TMEFF2: variants seen among roughly 807,000 people sequenced by gnomAD.
TMEFF2 encodes the protein transmembrane protein with EGF like and two follistatin like domains 2.
A neutral mutation model predicts 53.8 loss-of-function variants in TMEFF2; 28 were observed. The ratio of observed to expected loss-of-function variants is 0.52; its 90% CI spans 0.39 to 0.71. TMEFF2 has a LOEUF of 0.71. Among genes scored for constraint, TMEFF2 ranks in the 30% least tolerant of loss-of-function variants. The pLI is 0.00. For missense variants in TMEFF2, 353 were observed against 455.2 expected (o/e 0.78, Z 2.04); for synonymous variants, 162 against 166.3 (o/e 0.97, Z 0.20).
At chr2:192,107,435 TTCTTAAATTTA>T (rs1689174695) in intron 4 of TMEFF2, among the ~76,000 whole-genome samples, 1 of 151,776 alleles carries the variant, frequency 6.6e-6, no homozygotes, top group East Asian at 1.9e-4. Flanking sequence ...TTTAAAAAGA[TTCTTAAATTTA>T]CCAAGGAGAA....
intron 5 of TMEFF2, among the ~76,000 whole-genome samples, chr2:192,000,943 T>A (rs2105838087): frequency 6.6e-6 from 1 of 152,290 alleles, no homozygotes; most frequent in African/African-American, 2.4e-5. Context: ...TACTGGAACA[T>A]GACATTGCTA....
In TMEFF2 at chr2:192,090,619, G is replaced by A. The variant is rs1056034182; in HGVS notation, c.440-32844C>T. 5.3e-5 allele frequency among the ~76,000 whole-genome samples: 8 copies of A among 152,140 alleles called. No homozygotes were observed. The South Asian group carries it at 8.3e-4, about 16-fold the overall frequency. ...TGTATGAAAGGAATCATGGAAATCT[G>A]ATCATTGATGTAGGAGCACCAGGAA... On this transcript the variant is annotated intron_variant, in intron 4 of 9. Coordinates refer to ENST00000272771, the MANE Select transcript of TMEFF2 (RefSeq NM_016192.4).
chr2:192,082,430 A>C (rs894597223), intron 4 of TMEFF2, among the ~76,000 whole-genome samples: 2 of 152,156 alleles, frequency 1.3e-5, no homozygotes, highest in Non-Finnish European at 2.9e-5. Flanking sequence ...TCTTTCACCT[A>C]TGATTTTCTA....
In TMEFF2 at chr2:191,953,564, T is replaced by C. The variant is rs1156618675; in HGVS notation, c.1028+115A>G. ...TCTTATGCTAAGGACATAGGACTCA[T>C]AGAGAATGGATGGCTGCAGAGTCCA... On this transcript the variant is annotated intron_variant, in intron 9 of 9. Coordinates refer to ENST00000272771, the MANE Select transcript of TMEFF2 (RefSeq NM_016192.4). 23 of 1,159,424 alleles carry C rather than the reference T, an allele frequency of 2.0e-5. No individual in the cohort carries two copies. The East Asian group carries it at 4.4e-4, about 22-fold the overall frequency. The allele number at this position is 1,159,424 out of a possible 1,614,324, so 71.8% of individuals were successfully genotyped here.
chr2:192,032,876 A>C (rs949188570), intron 5 of TMEFF2, among the ~76,000 whole-genome samples: 1 of 152,204 alleles, frequency 6.6e-6, no homozygotes, highest in Non-Finnish European at 1.5e-5. Context: ...TGTTAATTTT[A>C]TATTATAAAT....
At chr2:192,088,743 TTTC>T (rs1198999068) in intron 4 of TMEFF2, among the ~76,000 whole-genome samples, 4 of 152,232 alleles carry the variant, frequency 2.6e-5, no homozygotes, top group South Asian at 2.1e-4. Context: ...CTAAAATTGG[TTTC>T]TTTTCTTCTG....
chr2:192,106,966 CA>C (rs1219278036), intron 4 of TMEFF2, among the ~76,000 whole-genome samples: 22 of 151,554 alleles, frequency 1.5e-4, no homozygotes, highest in Non-Finnish European at 8.9e-5. Flanking sequence ...AAGAGTTAGG[CA>C]TGTCTATTTG....
At chr2:192,032,954 T>C (rs1687180029) in intron 5 of TMEFF2, among the ~76,000 whole-genome samples, 1 of 152,238 alleles carries the variant, frequency 6.6e-6, no homozygotes, top group Non-Finnish European at 1.5e-5. Context: ...GTATGGTTTT[T>C]CTTGGTTTAA....
At chr2:192,024,031 TTCCTTGTGACAGTCACAAATC>T (rs1344131729) in intron 5 of TMEFF2, among the ~76,000 whole-genome samples, 1 of 152,184 alleles carries the variant, frequency 6.6e-6, no homozygotes, top group African/African-American at 2.4e-5. Flanking sequence ...TTCACAGATA[TTCCTTGTGACAGTCACAAATC>T]TCCTATGCAT....
At chr2:192,022,056 T>TG (rs1686871114) in intron 5 of TMEFF2, 1 of 152,214 alleles carries the variant, frequency 6.6e-6, no homozygotes, top group South Asian at 2.1e-4. Context: ...GAGAATTGTC[T>TG]GGAAGTGAAG....
intron 9 of TMEFF2, among the ~76,000 whole-genome samples, chr2:191,951,147 GTGGGTTTA>G (rs1691865147): frequency 6.7e-6 from 1 of 150,334 alleles, no homozygotes; most frequent in Non-Finnish European, 1.5e-5. Context: ...GTGTGTATAT[GTGGGTTTA>G]TGTGTATGTA....
chr2:192,101,746 A>G (rs1689035793), intron 4 of TMEFF2, among the ~76,000 whole-genome samples: 1 of 152,208 alleles, frequency 6.6e-6, no homozygotes, highest in South Asian at 2.1e-4. Flanking sequence ...AAAAGACTGA[A>G]AATGCAGACT....
In TMEFF2 at chr2:192,194,585, C is replaced by A; in HGVS notation, c.-61G>T. Reference sequence around the variant, plus strand: ...TCCGAGGAACACAGGATCGCGGGGGCCGGGCAGCGGGCTACTGAGCATCCC... The same window carrying A: ...TCCGAGGAACACAGGATCGCGGGGGACGGGCAGCGGGCTACTGAGCATCCC... On this transcript the variant is annotated 5_prime_UTR_variant, in exon 1 of 10. Transcript: ENST00000272771. The surrounding 1 kb of genome is among the most constrained non-coding windows in gnomAD (Gnocchi z 4.2). 3 of 1,571,554 alleles carry A rather than the reference C, an allele frequency of 1.9e-6. No homozygotes were observed. The highest frequency in any genetic ancestry group is 1.2e-5 in the South Asian group (1 of 86,802).
At chr2:192,116,943 CATCTT>C (rs10553743) in intron 4 of TMEFF2, among the ~76,000 whole-genome samples, 64,775 of 151,518 alleles carry the variant, frequency 0.43, 14,011 homozygotes, top group South Asian at 0.49. Flanking sequence ...AGAACAATGA[CATCTT>C]ATTTATATAG....
intron 4 of TMEFF2, among the ~76,000 whole-genome samples, chr2:192,070,106 C>A (rs189012142): frequency 6.7e-6 from 1 of 149,396 alleles, no homozygotes; most frequent in Admixed American, 6.7e-5. Flanking sequence ...GTTTAACCAG[C>A]ACCATTATTA....
chr2:191,992,879 C>G (rs1686140998), intron 7 of TMEFF2: 1 of 152,002 alleles, frequency 6.6e-6, no homozygotes, highest in South Asian at 2.1e-4. Context: ...ATTTTTGGGT[C>G]TGGAACTGCC....
intron 7 of TMEFF2, among the ~76,000 whole-genome samples, chr2:191,973,836 T>C (rs529321960): frequency 9.9e-5 from 15 of 152,150 alleles, no homozygotes; most frequent in Non-Finnish European, 1.5e-4. Context: ...AAAGATCTGA[T>C]GGTTTTATAA....
intron 4 of TMEFF2, among the ~76,000 whole-genome samples, chr2:192,126,987 G>A (rs80298401): frequency 0.013 from 1,985 of 152,228 alleles, 40 homozygotes; most frequent in African/African-American, 0.046. Flanking sequence ...ATGTAACTTA[G>A]AACTGATATT....
Position 191,949,179 on chromosome 2 carries a change from C to T in TMEFF2, c.*1132G>A, listed in dbSNP as rs953957317. ...TTTTCACAGCTTATTTTTTCCAGAT[C>T]AAGTTGTGATACCTATTTGTATGCA... On this transcript the variant is annotated 3_prime_UTR_variant, in exon 10 of 10. Transcript: ENST00000272771. The T allele has an allele frequency of 1.1e-5, 11 of 985,174 alleles. No homozygotes were observed. Among genetic ancestry groups the T allele is most frequent in the Non-Finnish European group, 1.3e-5 (11 of 829,874 alleles). The allele number at this position is 985,174 out of a possible 1,614,324, so 61.0% of individuals were successfully genotyped here.
Sources: gnomAD v4.1 joint callset for allele counts (sites outside exome capture counted in the v4.1 genomes callset) on GRCh38, gnomAD v4.1.1 for gene constraint, Gnocchi (gnomAD v3.1) non-coding constraint, MANE v1.5 for transcripts, NCBI Gene and HGNC (gene_info 2026-07-23, HGNC 2026-07-21) for gene names.